The following CIMIP6 variants were observed in gnomAD, a reference collection of about 807,000 sequenced individuals.
CIMIP6 encodes the protein uncharacterized protein C2orf73.
At chr2:54,335,118 A>C in the CIMIP6 span, 1 of 936,882 alleles carries the variant, frequency 1.1e-6, no homozygotes, top group East Asian at 2.6e-5. Flanking sequence ...GATGAGACAC[A>C]TCTCAGAGTA....
At chr2:54,340,018 C>T in the CIMIP6 span, 335 of 107,694 alleles carry the variant, frequency 3.1e-3, 109 homozygotes, top group Non-Finnish European at 5.3e-3. Flanking sequence ...CTAAGGGACC[C>T]ACAGTGCAAC....
At chr2:54,342,297 C>T in the CIMIP6 span, among the ~76,000 whole-genome samples, 3 of 152,184 alleles carry the variant, frequency 2.0e-5, no homozygotes, top group South Asian at 6.2e-4. Flanking sequence ...TTCTGACTTT[C>T]CTGAACCAGA....
the CIMIP6 span, among the ~76,000 whole-genome samples, chr2:54,345,020 C>T: frequency 6.6e-6 from 1 of 152,094 alleles, no homozygotes; most frequent in Non-Finnish European, 1.5e-5. Flanking sequence ...CCCACATGAA[C>T]TCTATGCAAT....
the CIMIP6 span, among the ~76,000 whole-genome samples, chr2:54,337,842 G>C: frequency 6.6e-6 from 1 of 152,154 alleles, no homozygotes; most frequent in Non-Finnish European, 1.5e-5. Flanking sequence ...TGAATGAGGA[G>C]AGTTACAGAG....
chr2:54,353,289 G>A, the CIMIP6 span, among the ~76,000 whole-genome samples: 1 of 152,144 alleles, frequency 6.6e-6, no homozygotes, highest in Non-Finnish European at 1.5e-5. Context: ...GATTGTTTCG[G>A]ATGAATACTT....
the CIMIP6 span, among the ~76,000 whole-genome samples, chr2:54,334,574 G>T: frequency 2.6e-5 from 4 of 152,106 alleles, no homozygotes; most frequent in Admixed American, 2.6e-4. Context: ...AATAAGAGTT[G>T]GTGCACTGCA....
the CIMIP6 span, among the ~76,000 whole-genome samples, chr2:54,380,120 G>A: frequency 6.6e-6 from 1 of 152,192 alleles, no homozygotes; most frequent in South Asian, 2.1e-4. Flanking sequence ...CTCCAGCTTA[G>A]GCAGCAGAGC....
chr2:54,340,880 A>G, the CIMIP6 span, among the ~76,000 whole-genome samples: 1 of 152,060 alleles, frequency 6.6e-6, no homozygotes, highest in Non-Finnish European at 1.5e-5. Context: ...TGGGAGGATC[A>G]CCTGAGTCCA....
chr2:54,362,802 C>T, the CIMIP6 span, among the ~76,000 whole-genome samples: 1 of 152,198 alleles, frequency 6.6e-6, no homozygotes, highest in Non-Finnish European at 1.5e-5. Flanking sequence ...CTACCTCAGC[C>T]TCCCACAGTG....
the CIMIP6 span, among the ~76,000 whole-genome samples, chr2:54,335,914 C>G: frequency 6.6e-6 from 1 of 152,246 alleles, no homozygotes; most frequent in East Asian, 1.9e-4. Context: ...ATCTTCAAAT[C>G]TTTCTCTGAC....
chr2:54,353,333 G>C, the CIMIP6 span, among the ~76,000 whole-genome samples: 1 of 152,040 alleles, frequency 6.6e-6, no homozygotes, highest in African/African-American at 2.4e-5. Context: ...GGGTGGCAGG[G>C]GTGCATAATT....
the CIMIP6 span, chr2:54,359,210 C>A: frequency 1.6e-6 from 1 of 627,890 alleles, no homozygotes; most frequent in Non-Finnish European, 2.8e-6. Flanking sequence ...GAATGTTAGC[C>A]ACATACCATA....
At chr2:54,332,671 A>G in the CIMIP6 span, among the ~76,000 whole-genome samples, 2 of 152,200 alleles carry the variant, frequency 1.3e-5, no homozygotes, top group African/African-American at 4.8e-5. Flanking sequence ...CATTCATACC[A>G]CAAGTGCTTA....
the CIMIP6 span, among the ~76,000 whole-genome samples, chr2:54,377,059 A>G: frequency 5.3e-5 from 8 of 152,166 alleles, no homozygotes; most frequent in African/African-American, 1.9e-4. Context: ...GTCTCAAAGG[A>G]GAGGCTAGCA....
the CIMIP6 span, among the ~76,000 whole-genome samples, chr2:54,355,065 C>T: frequency 6.6e-6 from 1 of 151,876 alleles, no homozygotes; most frequent in African/African-American, 2.4e-5. Context: ...CCTTTCCTTC[C>T]CATGTTTTTG....
chr2:54,382,402 T>C, the CIMIP6 span, among the ~76,000 whole-genome samples: 1 of 152,210 alleles, frequency 6.6e-6, no homozygotes, highest in Admixed American at 6.5e-5. Flanking sequence ...TTATAAAACA[T>C]TGCAACTAAT....
the CIMIP6 span, among the ~76,000 whole-genome samples, chr2:54,366,202 C>T: frequency 6.6e-6 from 1 of 152,152 alleles, no homozygotes; most frequent in Non-Finnish European, 1.5e-5. Context: ...GCAGCATGTG[C>T]AACTTCTAAA....
At chr2:54,368,371 C>T in the CIMIP6 span, among the ~76,000 whole-genome samples, 2 of 152,300 alleles carry the variant, frequency 1.3e-5, no homozygotes, top group East Asian at 3.9e-4. Flanking sequence ...GAAAATAACA[C>T]TGAGCTAGAA....
At chr2:54,354,190 G>T in the CIMIP6 span, among the ~76,000 whole-genome samples, 1 of 152,058 alleles carries the variant, frequency 6.6e-6, no homozygotes, top group Non-Finnish European at 1.5e-5. Flanking sequence ...CAAGCTCTCT[G>T]TTACGTTACT....
Sources: gnomAD v4.1 joint callset for allele counts (sites outside exome capture counted in the v4.1 genomes callset) on GRCh38, gnomAD v4.1.1 for gene constraint, MANE v1.5 for transcripts, NCBI Gene and HGNC (gene_info 2026-07-23, HGNC 2026-07-21) for gene names.